The following HPSE2 variants were observed in gnomAD, a reference collection of about 807,000 sequenced individuals.
HPSE2 encodes inactive heparanase-2.
Under a neutral mutation model 60.5 loss-of-function variants are expected in HPSE2, and 38 were observed. The ratio of observed to expected loss-of-function variants is 0.63; its 90% CI spans 0.48 to 0.82. HPSE2 has a LOEUF of 0.82. HPSE2 is among the 40% of genes least tolerant of loss of function. The pLI, the probability that HPSE2 is intolerant of heterozygous loss-of-function variation, is 0.00. For synonymous variants in HPSE2, 295 were observed against 293.2 expected (o/e 1.01, Z -0.06); for missense variants, 713 against 740.4 (o/e 0.96, Z 0.43).
chr10:98,824,974 A>G (rs837722), intron 3 of HPSE2, among the ~76,000 whole-genome samples: 7,640 of 152,280 alleles, frequency 0.05, 607 homozygotes, highest in African/African-American at 0.17. Context: ...ACATTTATCA[A>G]TAATCTACTG....
intron 3 of HPSE2, among the ~76,000 whole-genome samples, chr10:98,752,934 C>T (rs1949792022): frequency 6.6e-6 from 1 of 152,086 alleles, no homozygotes; most frequent in East Asian, 1.9e-4. Flanking sequence ...TGAAATAAGC[C>T]AGGCACAGAA....
At chr10:98,931,489 T>G (rs1954640390) in intron 3 of HPSE2, among the ~76,000 whole-genome samples, 1 of 144,178 alleles carries the variant, frequency 6.9e-6, no homozygotes, top group Admixed American at 6.9e-5. Flanking sequence ...AAAAGTTTTT[T>G]CTAATTCTGT....
intron 3 of HPSE2, among the ~76,000 whole-genome samples, chr10:98,751,857 A>C (rs1358954320): frequency 6.6e-6 from 1 of 152,238 alleles, no homozygotes; most frequent in Non-Finnish European, 1.5e-5. Context: ...AGAAGCTTTA[A>C]TGAGTTGTGA....
At chr10:98,671,312 A>G (rs1378773419) in intron 6 of HPSE2, among the ~76,000 whole-genome samples, 1 of 152,186 alleles carries the variant, frequency 6.6e-6, no homozygotes, top group Non-Finnish European at 1.5e-5. Flanking sequence ...TTGGAGTTAG[A>G]GAGCCAAGTC....
At chr10:98,661,766 G>A (rs1947230249) in intron 6 of HPSE2, among the ~76,000 whole-genome samples, 1 of 152,144 alleles carries the variant, frequency 6.6e-6, no homozygotes, top group Admixed American at 6.6e-5. Context: ...ACAGACAAAG[G>A]TGAAATAAAT....
chr10:98,953,263 C>T (rs1372665085), intron 3 of HPSE2, among the ~76,000 whole-genome samples: 4 of 152,116 alleles, frequency 2.6e-5, no homozygotes, highest in African/African-American at 4.8e-5. Flanking sequence ...GTGTTCTCCT[C>T]GGTGCAGGGG....
chr10:99,036,450 C>T (rs570250390), intron 3 of HPSE2, among the ~76,000 whole-genome samples: 4 of 152,010 alleles, frequency 2.6e-5, no homozygotes, highest in East Asian at 3.9e-4. Context: ...AAAGCTGGAA[C>T]GATTTGAGAA....
chr10:99,229,198 G>T (rs1373899961), intron 2 of HPSE2, among the ~76,000 whole-genome samples: 1 of 151,852 alleles, frequency 6.6e-6, no homozygotes, highest in African/African-American at 2.4e-5. Context: ...ACTTATCAGG[G>T]TAGCAATATA....
intron 3 of HPSE2, among the ~76,000 whole-genome samples, chr10:99,034,390 A>C (rs1208828421): frequency 6.6e-6 from 1 of 152,232 alleles, no homozygotes. Flanking sequence ...GAGGAAATTT[A>C]GTGAATAATA....
rs1435373676 is a variant in HPSE2 at position 98,777,869 on chromosome 10, T to A, written c.611-33813A>T. ...ACAGGTTCTGTCAGGCCACCAGGAT[T>A]TCTTGATGGTAGTTTAAATTAAGGG... On this transcript the variant is annotated intron_variant, in intron 3 of 11. Transcript: ENST00000370552. Among the ~76,000 whole-genome samples, 3 of 152,058 alleles carry A rather than the reference T, an allele frequency of 2.0e-5. No individual in the cohort carries two copies. In the East Asian group the frequency reaches 5.8e-4, roughly 29 times the overall value.
intron 9 of HPSE2, among the ~76,000 whole-genome samples, chr10:98,609,559 C>G (rs565206545): frequency 6.6e-6 from 1 of 152,170 alleles, no homozygotes; most frequent in East Asian, 1.9e-4. Flanking sequence ...CCACTTTTAA[C>G]ATTTAGATGT....
At position 98,975,852 on chromosome 10, in the gene HPSE2, C is replaced by T. The variant is rs1956071601; in HGVS notation, c.610+168386G>A. On this transcript the variant is annotated intron_variant, in intron 3 of 11. Coordinates refer to ENST00000370552, the MANE Select transcript of HPSE2 (RefSeq NM_021828.5). ...GGGTTCTTCAGAAATCAAAAGAGTT[C>T]AGATTCAGAAAACTTAATATCTTGA... 5.3e-5 allele frequency among the ~76,000 whole-genome samples: 8 copies of T among 152,152 alleles called. 2 individuals are homozygous for T. The South Asian group carries it at 1.7e-3, about 32-fold the overall frequency.
chr10:98,493,076 T>C (rs1001047959), intron 9 of HPSE2, among the ~76,000 whole-genome samples: 8 of 152,264 alleles, frequency 5.3e-5, no homozygotes, highest in African/African-American at 2.4e-5. Flanking sequence ...AGTATTTGTC[T>C]TTTTGTGACT....
chr10:99,056,133 T>A (rs1958108462), intron 3 of HPSE2, among the ~76,000 whole-genome samples: 1 of 151,734 alleles, frequency 6.6e-6, no homozygotes, highest in South Asian at 2.1e-4. Context: ...TCACTACAGA[T>A]CCTATAGACA....
intron 8 of HPSE2, 54 bp downstream of exon 8, chr10:98,620,548 C>T: frequency 1.6e-6 from 2 of 1,284,568 alleles, no homozygotes; most frequent in South Asian, 1.2e-5. Flanking sequence ...ACCAGAGATT[C>T]ACTGTCCTTC....
chr10:98,615,096 A>G (rs2133975536), intron 8 of HPSE2, 78 bp from the exon 9 acceptor site: 6 of 928,688 alleles, frequency 6.5e-6, no homozygotes, highest in Admixed American at 5.2e-5. Flanking sequence ...ACTGGCTACT[A>G]TATACACATA....
intron 2 of HPSE2, among the ~76,000 whole-genome samples, chr10:99,160,898 CAAAA>C (rs60506210): frequency 3.6e-5 from 2 of 55,424 alleles, no homozygotes; most frequent in Non-Finnish European, 6.0e-5. Context: ...GACTCCGTCT[CAAAA>C]AAAAAAAAAA....
intron 3 of HPSE2, among the ~76,000 whole-genome samples, chr10:98,965,905 T>A (rs2135250071): frequency 6.6e-6 from 1 of 152,242 alleles, no homozygotes; most frequent in Non-Finnish European, 1.5e-5. Flanking sequence ...TTTTCTTTTT[T>A]TTGAGATGGA....
At chr10:99,073,689 G>A (rs937022828) in intron 3 of HPSE2, among the ~76,000 whole-genome samples, 4 of 152,002 alleles carry the variant, frequency 2.6e-5, no homozygotes, top group Non-Finnish European at 2.9e-5. Flanking sequence ...CTATAAACAC[G>A]AGCTGTCTCT....
Sources: allele counts gnomAD v4.1 joint callset (sites outside exome capture counted in the v4.1 genomes callset), GRCh38; gene constraint gnomAD v4.1.1; transcripts MANE v1.5; gene names NCBI Gene and HGNC (gene_info 2026-07-23, HGNC 2026-07-21).